EFNA5: variants seen among roughly 807,000 people sequenced by gnomAD.
The protein encoded by EFNA5 is ephrin A5.
In EFNA5, 5 loss-of-function variants were observed where a neutral mutation model predicts 22.9. That is an observed-to-expected ratio of 0.22 (90% CI 0.11 to 0.46). EFNA5 has a LOEUF of 0.46. Among genes scored for constraint, EFNA5 ranks in the 20% least tolerant of loss-of-function variants. The pLI is 0.99. For missense variants in EFNA5, 237 were observed against 293.3 expected (o/e 0.81, Z 1.40); for synonymous variants, 113 against 112.2 (o/e 1.01, Z -0.04).
chr5:107,490,521 G>A (rs1186146099), intron 1 of EFNA5, among the ~76,000 whole-genome samples: 1 of 152,142 alleles, frequency 6.6e-6, no homozygotes, highest in Non-Finnish European at 1.5e-5. Flanking sequence ...AGCATCTCTT[G>A]CATCCTCACC....
At chr5:107,396,595 A>G (rs753813273) in intron 2 of EFNA5, among the ~76,000 whole-genome samples, 2 of 152,184 alleles carry the variant, frequency 1.3e-5, no homozygotes, top group Non-Finnish European at 2.9e-5. Flanking sequence ...AGTGGTGATT[A>G]AAAGTTACTT....
At chr5:107,510,168 T>C (rs1382688051) in intron 1 of EFNA5, among the ~76,000 whole-genome samples, 1 of 152,216 alleles carries the variant, frequency 6.6e-6, no homozygotes, top group Non-Finnish European at 1.5e-5. Context: ...AAGATGGCCA[T>C]GAATGTAACC....
chr5:107,589,151 A>G (rs1749259544), intron 1 of EFNA5, among the ~76,000 whole-genome samples: 1 of 152,232 alleles, frequency 6.6e-6, no homozygotes, highest in Non-Finnish European at 1.5e-5. Flanking sequence ...GAAATTATGG[A>G]GATGGACATG....
chr5:107,605,754 C>G (rs1454451437), intron 1 of EFNA5, among the ~76,000 whole-genome samples: 1 of 152,150 alleles, frequency 6.6e-6, no homozygotes, highest in Admixed American at 6.5e-5. Context: ...ATTGTTCTTA[C>G]AAGAACCTCC....
chr5:107,548,343 T>C (rs537582393), intron 1 of EFNA5, among the ~76,000 whole-genome samples: 88 of 152,318 alleles, frequency 5.8e-4, no homozygotes, highest in African/African-American at 2.1e-3. Context: ...ACCAGAACAG[T>C]ATGGAAAAAT....
At chr5:107,550,564 G>C (rs1410151563) in intron 1 of EFNA5, among the ~76,000 whole-genome samples, 1 of 152,110 alleles carries the variant, frequency 6.6e-6, no homozygotes, top group South Asian at 2.1e-4. Context: ...ATGGCTAAAT[G>C]ATACGATATA....
chr5:107,603,504 CA>C (rs1335082990), intron 1 of EFNA5, among the ~76,000 whole-genome samples: 1 of 152,180 alleles, frequency 6.6e-6, no homozygotes, highest in East Asian at 1.9e-4. Flanking sequence ...ACGCATGAAC[CA>C]AGGGAAAGGT....
intron 2 of EFNA5, among the ~76,000 whole-genome samples, chr5:107,418,639 T>C (rs1303391362): frequency 1.3e-5 from 2 of 152,202 alleles, no homozygotes; most frequent in Non-Finnish European, 2.9e-5. Context: ...ATTTTGGTTT[T>C]GAACTTCTCG....
intron 1 of EFNA5, among the ~76,000 whole-genome samples, chr5:107,631,470 A>T (rs761735256): frequency 8.5e-5 from 13 of 152,092 alleles, no homozygotes; most frequent in Non-Finnish European, 1.6e-4. Flanking sequence ...CTAAAAGAGT[A>T]TCCTTGTAGA....
chr5:107,423,980 G>A (rs994097458), intron 2 of EFNA5, among the ~76,000 whole-genome samples: 18 of 152,142 alleles, frequency 1.2e-4, no homozygotes, highest in Middle Eastern at 3.4e-3. Flanking sequence ...AAGAAATCTG[G>A]TTGAGGATAA....
intron 2 of EFNA5, among the ~76,000 whole-genome samples, chr5:107,405,891 T>C (rs1306802336): frequency 6.7e-6 from 1 of 149,284 alleles, no homozygotes; most frequent in African/African-American, 2.5e-5. Flanking sequence ...GTATACATAT[T>C]CTATGTATTT....
chr5:107,474,300 A>T (rs1050114543), intron 1 of EFNA5, among the ~76,000 whole-genome samples: 1 of 152,224 alleles, frequency 6.6e-6, no homozygotes, highest in African/African-American at 2.4e-5. Context: ...TGCATTAGCC[A>T]TGAAAGTTTG....
chr5:107,547,635 C>A (rs1021492718), intron 1 of EFNA5, among the ~76,000 whole-genome samples: 4 of 151,886 alleles, frequency 2.6e-5, no homozygotes, highest in South Asian at 2.1e-4. Context: ...GAGTTGGCTG[C>A]AGAGCATTAA....
intron 2 of EFNA5, among the ~76,000 whole-genome samples, chr5:107,414,825 T>G (rs1384972485): frequency 1.3e-5 from 2 of 151,882 alleles, no homozygotes; most frequent in Non-Finnish European, 2.9e-5. Flanking sequence ...ATAAATATCA[T>G]AAAAACTCAT....
intron 1 of EFNA5, among the ~76,000 whole-genome samples, chr5:107,544,070 T>C (rs964044025): frequency 3.0e-4 from 45 of 151,962 alleles, no homozygotes; most frequent in Admixed American, 2.7e-3. Context: ...TCTGTGGGGG[T>C]CCTGACATTT....
intron 2 of EFNA5, among the ~76,000 whole-genome samples, chr5:107,404,492 A>C (rs541273188): frequency 6.6e-6 from 1 of 152,308 alleles, no homozygotes; most frequent in South Asian, 2.1e-4. Context: ...AACAGCTATC[A>C]ATTATCTACT....
At chr5:107,394,979 C>T (rs990632441) in intron 2 of EFNA5, among the ~76,000 whole-genome samples, 4 of 145,904 alleles carry the variant, frequency 2.7e-5, no homozygotes, top group African/African-American at 7.6e-5. Flanking sequence ...CCAAAAATAA[C>T]GTGGATTTTG....
rs180954479 is a variant in EFNA5 at position 107,400,968 on chromosome 5, G to T, written c.419-13197C>A. Among the ~76,000 whole-genome samples the T allele has an allele frequency of 2.2e-3, 334 of 152,312 alleles. 1 individual carries two copies. The highest frequency in any genetic ancestry group is 7.4e-3 in the African/African-American group (309 of 41,580). ...TAGTTTAGCAATCAGACAATGCACAGATGGATAACAAAAGATTGATAAATT... is the reference window on the plus strand; with the variant it reads ...TAGTTTAGCAATCAGACAATGCACATATGGATAACAAAAGATTGATAAATT... On this transcript the variant is annotated intron_variant, in intron 2 of 4. Coordinates refer to ENST00000333274, the MANE Select transcript of EFNA5 (RefSeq NM_001962.3).
intron 1 of EFNA5, among the ~76,000 whole-genome samples, chr5:107,458,890 G>T (rs539881706): frequency 6.6e-6 from 1 of 151,964 alleles, no homozygotes; most frequent in Non-Finnish European, 1.5e-5. Context: ...AAAACTTCAG[G>T]ATATTGCTGA....
Sources: gnomAD v4.1 joint callset for allele counts (sites outside exome capture counted in the v4.1 genomes callset) on GRCh38, gnomAD v4.1.1 for gene constraint, MANE v1.5 for transcripts, NCBI Gene and HGNC (gene_info 2026-07-23, HGNC 2026-07-21) for gene names.